Variants in KLHL13 observed in about 807,000 individuals in gnomAD.
KLHL13 encodes kelch-like protein 13.
A neutral mutation model predicts 37.1 loss-of-function variants in KLHL13; 10 were observed. The observed-to-expected ratio is 0.27, with a 90% confidence interval of 0.17 to 0.46. The LOEUF is 0.46. Among genes scored for constraint, KLHL13 ranks in the 20% least tolerant of loss-of-function variants. The pLI is 1.00. For synonymous variants in KLHL13, 163 were observed against 181.2 expected, an observed-to-expected ratio of 0.90 and a Z score of 0.81; for missense variants, 360 against 509.3, an observed-to-expected ratio of 0.71 and a Z score of 2.82.
intron 1 of KLHL13, among the ~76,000 whole-genome samples, chrX:118,033,706 C>T (rs1335245697): frequency 6.4e-5 from 7 of 108,643 alleles, no homozygotes; most frequent in African/African-American, 2.0e-4. Flanking sequence ...CACCAGCTAA[C>T]ATCATAATGA....
rs552519171 is a variant in KLHL13, at chrX:118,033,657, C to T, written c.-56+82851G>A. Among the ~76,000 whole-genome samples, 309 of 108,927 alleles carry T rather than the reference C, an allele frequency of 2.8e-3. 1 individual carries two copies. Among genetic ancestry groups the T allele is most frequent in the African/African-American group, 8.6e-3 (256 of 29,800 alleles). 94.6% of individuals were successfully genotyped at this position (108,927 alleles called of 115,157 possible). On this transcript the variant is annotated intron_variant, in intron 1 of 6. Coordinates refer to the KLHL13 transcript ENST00000371882. ...AATCATGCCAAAATGTAAAGACCAT[C>T]GAGACTAGGAAGAAACTGCATCAAC...
intron 1 of KLHL13, among the ~76,000 whole-genome samples, chrX:118,035,995 T>C (rs2054434468): frequency 9.8e-6 from 1 of 101,625 alleles, no homozygotes; most frequent in African/African-American, 4.2e-5. Context: ...CATTCACAAC[T>C]GCTTCAAAGA....
At chrX:117,915,534 T>C (rs191117621) in intron 4 of KLHL13, among the ~76,000 whole-genome samples, 134 of 111,802 alleles carry the variant, frequency 1.2e-3, no homozygotes, top group Admixed American at 2.2e-3. Flanking sequence ...GAAAACACAA[T>C]TAAAAAATTA....
rs761648800 is a variant in KLHL13 at position 118,111,870 on chromosome X, C to A, written c.-56+4638G>T. On this transcript the variant is annotated intron_variant, in intron 1 of 6. Transcript: ENST00000371882. ...TCATGCCACTGCACTCCAGCCTGAACGATAGAGTGAGAGAGCGAGACTCCG... is the reference window on the plus strand; with the variant it reads ...TCATGCCACTGCACTCCAGCCTGAAAGATAGAGTGAGAGAGCGAGACTCCG... 5.4e-5 allele frequency among the ~76,000 whole-genome samples: 6 copies of A among 110,919 alleles called. No homozygotes were observed. In the Admixed American group the frequency reaches 5.7e-4, roughly 11 times the overall value.
rs780653747 is a variant in KLHL13 at position 118,018,350 on chromosome X, CT to C, written c.-55-72776del. Among the ~76,000 whole-genome samples the C allele has an allele frequency of 2.5e-4, 28 of 111,799 alleles. 1 individual carries two copies. The highest frequency in any genetic ancestry group is 8.7e-4 in the African/African-American group (27 of 30,913). On this transcript the variant is annotated intron_variant, in intron 1 of 6. Coordinates refer to the KLHL13 transcript ENST00000371882. ...GAAGAACTCATCACTTTTCATCATG[CT>C]TTTGCACGTGACAATGTTTAGTTCT...
intron 1 of KLHL13, chrX:117,985,129 A>G: frequency 2.0e-6 from 1 of 491,991 alleles, no homozygotes. Context: ...TCTACAATAC[A>G]TCTAAAATTG....
intron 1 of KLHL13, among the ~76,000 whole-genome samples, chrX:117,984,202 T>A (rs2053697818): frequency 8.9e-6 from 1 of 111,874 alleles, no homozygotes; most frequent in South Asian, 3.7e-4. Context: ...ATAGACATAC[T>A]TCTGGTACTG....
At chrX:117,997,512 A>T (rs778544515) in intron 1 of KLHL13, among the ~76,000 whole-genome samples, 3 of 112,526 alleles carry the variant, frequency 2.7e-5, no homozygotes, top group Admixed American at 9.4e-5. Context: ...TCTGTCTTCA[A>T]GCAAAATATT....
chrX:117,964,700 T>G (rs1409969976), intron 1 of KLHL13, among the ~76,000 whole-genome samples: 1 of 111,550 alleles, frequency 9.0e-6, no homozygotes, highest in Non-Finnish European at 1.9e-5. Flanking sequence ...ACTCGTCATT[T>G]AACATTAGGC....
At chrX:117,898,106 T>G (rs1174171329) in exon 7 of KLHL13, 1 of 112,263 alleles carries the variant, frequency 8.9e-6, no homozygotes, top group Non-Finnish European at 1.9e-5. Flanking sequence ...ATGTGCATAC[T>G]GAATTCCCAT....
intron 1 of KLHL13, among the ~76,000 whole-genome samples, chrX:118,060,591 C>A (rs190103600): frequency 9.0e-6 from 1 of 110,832 alleles, no homozygotes; most frequent in East Asian, 2.9e-4. Flanking sequence ...CAGAGAAGAA[C>A]GTATTATTAC....
At chrX:118,053,855 A>G (rs1602687662) in intron 1 of KLHL13, among the ~76,000 whole-genome samples, 2 of 75,161 alleles carry the variant, frequency 2.7e-5, no homozygotes, top group African/African-American at 1.1e-4. Context: ...GAGAGGAGAG[A>G]GAGAGAGAGA....
chrX:117,995,900 T>G (rs1010662784), intron 1 of KLHL13, among the ~76,000 whole-genome samples: 1 of 111,512 alleles, frequency 9.0e-6, no homozygotes, highest in African/African-American at 3.3e-5. Flanking sequence ...TATTTACCCA[T>G]CCATCAGTTA....
At chrX:117,987,049 A>G (rs755399069) in intron 1 of KLHL13, among the ~76,000 whole-genome samples, 1 of 111,410 alleles carries the variant, frequency 9.0e-6, no homozygotes, top group Admixed American at 9.6e-5. Context: ...GTGAAGAGAG[A>G]TGGACCTGTG....
intron 1 of KLHL13, among the ~76,000 whole-genome samples, chrX:117,998,429 A>ACCCT (rs1378843752): frequency 9.0e-6 from 1 of 111,239 alleles, no homozygotes; most frequent in African/African-American, 3.3e-5. Context: ...GGTTGGAATA[A>ACCCT]CAGGAAATTG....
chrX:117,975,445 C>T (rs967861388), upstream of KLHL13, among the ~76,000 whole-genome samples: 13 of 111,824 alleles, frequency 1.2e-4, no homozygotes, highest in Admixed American at 1.2e-3. Context: ...GGCTGGAGTG[C>T]GGTGGCACAA....
chrX:117,973,609 T>A, exon 1 of KLHL13: 7 of 878,335 alleles, frequency 8.0e-6, no homozygotes, highest in Non-Finnish European at 9.8e-6. Context: ...TGATTCAAGT[T>A]GCTCTCCTTT....
exon 7 of KLHL13, chrX:117,898,725 C>T (rs1490485551): frequency 4.4e-6 from 2 of 453,101 alleles, no homozygotes; most frequent in Non-Finnish European, 3.6e-6. Flanking sequence ...GTTGTGTTAC[C>T]ACTTTATAAA....
At chrX:117,925,259 C>T (rs1931947765) in intron 2 of KLHL13, among the ~76,000 whole-genome samples, 1 of 111,541 alleles carries the variant, frequency 9.0e-6, no homozygotes, top group Non-Finnish European at 1.9e-5. Flanking sequence ...ATTTGATAAA[C>T]AAATAATTCA....
Sources: allele counts gnomAD v4.1 joint callset (sites outside exome capture counted in the v4.1 genomes callset), GRCh38; gene constraint gnomAD v4.1.1; transcripts MANE v1.5; gene names NCBI Gene and HGNC (gene_info 2026-07-23, HGNC 2026-07-21).